NR4A3: variants seen among roughly 807,000 people sequenced by gnomAD.
NR4A3 encodes chondrosarcoma, extraskeletal myxoid, fused to EWS.
Under a neutral mutation model 55.6 loss-of-function variants are expected in NR4A3, and 13 were observed. The observed-to-expected ratio is 0.23, with a 90% CI of 0.15 to 0.37. NR4A3 has a LOEUF of 0.37. Ranked by LOEUF, NR4A3 falls within the 10% of genes least tolerant of loss-of-function variation. The probability of loss-of-function intolerance (pLI) is 1.00; values close to 1 mark genes in which losing one functional copy is unlikely to be tolerated. For missense variants in NR4A3, 646 were observed against 822.8 expected (o/e 0.79, Z 2.63); for synonymous variants, 342 against 357.9 (o/e 0.96, Z 0.50).
intron 3 of NR4A3, 35 bp downstream of exon 3, chr9:99,829,028 GC>G: frequency 2.3e-6 from 3 of 1,307,444 alleles, no homozygotes; most frequent in South Asian, 4.2e-5. Context: ...TCCGCACCCA[GC>G]CCCCTCACTG....
At chr9:99,826,396 T>C (rs1193644294) in intron 2 of NR4A3, among the ~76,000 whole-genome samples, 1 of 152,208 alleles carries the variant, frequency 6.6e-6, no homozygotes, top group Non-Finnish European at 1.5e-5. Context: ...GTGGGCACCA[T>C]AGATAATGCA....
At chr9:99,839,948 A>G (rs895194740) in intron 5 of NR4A3, among the ~76,000 whole-genome samples, 2 of 152,244 alleles carry the variant, frequency 1.3e-5, no homozygotes, top group East Asian at 1.9e-4. Flanking sequence ...CTCTAGGACC[A>G]GTATTCATTG....
At position 99,863,954 on chromosome 9, in the gene NR4A3, C is replaced by A. The variant is rs1299607710; in HGVS notation, c.*87C>A. On this transcript the variant is annotated 3_prime_UTR_variant, in exon 8 of 8. Coordinates refer to ENST00000395097, the MANE Select transcript of NR4A3 (RefSeq NM_006981.4). ...GGATAGGTTTGGAAACCTATCATTT[C>A]CTGTCCTTCCTTAAGAGGAAAAGCA... The A allele has an allele frequency of 1.4e-6, 2 of 1,427,316 alleles. No individual in the cohort carries two copies. Among genetic ancestry groups the A allele is most frequent in the Non-Finnish European group, 1.9e-6 (2 of 1,059,092 alleles). The allele number at this position is 1,427,316 out of a possible 1,614,324, so 88.4% of individuals were successfully genotyped here.
intron 3 of NR4A3, among the ~76,000 whole-genome samples, chr9:99,830,148 GAA>G (rs2118527468): frequency 6.6e-6 from 1 of 152,336 alleles, no homozygotes; most frequent in Non-Finnish European, 1.5e-5. Context: ...AGGGTAGAAA[GAA>G]AGAGAAAGCA....
intron 1 of NR4A3, among the ~76,000 whole-genome samples, chr9:99,824,168 G>C (rs1827243232): frequency 6.6e-6 from 1 of 152,222 alleles, no homozygotes; most frequent in South Asian, 2.1e-4. Context: ...GGCCGCTTGT[G>C]GGGTGGAGAG....
At position 99,864,820 on chromosome 9, in the gene NR4A3, G is replaced by A. The variant is rs1030005636; in HGVS notation, c.*953G>A. On this transcript the variant is annotated 3_prime_UTR_variant, in exon 8 of 8. Coordinates refer to ENST00000395097, the MANE Select transcript of NR4A3 (RefSeq NM_006981.4). ...CTGACTGGTATATTCATTCAGAAGC[G>A]CCATAAGTCAGTTGAGTATTTGATC... 5.9e-5 allele frequency: 13 copies of A among 221,058 alleles called. No individual in the cohort carries two copies. Among genetic ancestry groups the A allele is most frequent in the South Asian group, 1.8e-4 (1 of 5,418 alleles). 13.7% of individuals were successfully genotyped at this position (221,058 alleles called of 1,614,324 possible).
chr9:99,834,632 A>G (rs1481988258), intron 5 of NR4A3: 2 of 236,962 alleles, frequency 8.4e-6, no homozygotes, highest in African/African-American at 4.7e-5. Flanking sequence ...CAGTGTTTCA[A>G]GCTTCTGGCT....
intron 7 of NR4A3, among the ~76,000 whole-genome samples, chr9:99,853,332 T>TC (rs961817095): frequency 4.7e-5 from 7 of 150,004 alleles, no homozygotes; most frequent in African/African-American, 1.7e-4. Context: ...TTTTTTTTTT[T>TC]TTTTTTTTAT....
chr9:99,828,072 T>A lies in NR4A3; in HGVS notation c.30T>A (p.Pro10=). 1 of 1,614,066 alleles carries A rather than the reference T, an allele frequency of 6.2e-7. No individual in the cohort carries two copies. Among genetic ancestry groups the A allele is most frequent in the Admixed American group, 1.7e-5 (1 of 60,018 alleles). The change falls in exon 3 of 8, where the codon CCT becomes CCA. Residue 10 remains proline, a synonymous_variant. Transcript: ENST00000395097. The surrounding 1 kb of genome is among the most constrained non-coding windows in gnomAD (Gnocchi z 7.7). MPCVQAQYS[P]SPPGSSYAAQ... is the part of the protein sequence containing the mutation. The stretch of plus-strand genomic sequence containing the variant: ...CCTGCGTCCAAGCCCAATATAGCCC[T>A]TCCCCTCCAGGTTCCAGTTATGCGG...
In NR4A3 at chr9:99,834,883, A is replaced by G. The variant is rs559064824; in HGVS notation, c.1254+1429A>G. 2.3e-5 allele frequency: 23 copies of G among 984,396 alleles called. No homozygotes were observed. In the African/African-American group the frequency reaches 4.0e-4, roughly 17 times the overall value. The allele number at this position is 984,396 out of a possible 1,614,324, so 61.0% of individuals were successfully genotyped here. A position where few individuals can be genotyped will look rare whatever the true frequency, so the allele number is the denominator to read the frequency against. On this transcript the variant is annotated intron_variant, in intron 5 of 7. Coordinates refer to ENST00000395097, the MANE Select transcript of NR4A3 (RefSeq NM_006981.4). ...TGATTATAAGTAGTGGCTCTTGACT[A>G]CAATCAAGTCTCAAATAATAGTGTA...
rs1249259387 is a variant in NR4A3, at chr9:99,866,416, C to G, written c.*2549C>G. On this transcript the variant is annotated 3_prime_UTR_variant, in exon 8 of 8. Transcript: ENST00000395097. ...GAAAAGACTTTTTAGCCATTATAATCTAGTGGTTGGAAGGAATGAAGAAGC... is the reference window on the plus strand; with the variant it reads ...GAAAAGACTTTTTAGCCATTATAATGTAGTGGTTGGAAGGAATGAAGAAGC... 4 of 224,660 alleles carry G rather than the reference C, an allele frequency of 1.8e-5. No homozygotes were observed. The highest frequency in any genetic ancestry group is 2.7e-5 in the Non-Finnish European group (3 of 112,484). The allele number at this position is 224,660 out of a possible 1,614,324, so 13.9% of individuals were successfully genotyped here. A position where few individuals can be genotyped will look rare whatever the true frequency, so the allele number is the denominator to read the frequency against.
At chr9:99,835,101 G>A (rs185790503) in intron 5 of NR4A3, 12 of 177,180 alleles carry the variant, frequency 6.8e-5, no homozygotes, top group Admixed American at 2.0e-4. Context: ...GGGGTTGTTC[G>A]TGAAGATTAA....
chr9:99,828,140 C>G lies in NR4A3; in HGVS notation c.98C>G (p.Pro33Arg). 1 of 1,614,040 alleles carries G rather than the reference C, an allele frequency of 6.2e-7. No individual in the cohort carries two copies. Among genetic ancestry groups the G allele is most frequent in the Non-Finnish European group, 8.5e-7 (1 of 1,180,000 alleles). Reference protein sequence around the residue: ...SSEYTTEIMNPDYTKLTMDLG... With the variant: ...SSEYTTEIMNRDYTKLTMDLG... ...GAATACACCACGGAGATCATGAACC[C>G]CGACTACACCAAGCTGACCATGGAC... The change falls in exon 3 of 8, where the codon CCC becomes CGC. Residue 33 changes from proline (P) to arginine (R), a missense_variant. This residue lies in a region of NR4A3 where 426 missense variants were observed against 429.4 expected (regional missense o/e 0.99). Coordinates refer to ENST00000395097, the MANE Select transcript of NR4A3 (RefSeq NM_006981.4). This position sits in a 1 kb window ranked among gnomAD's most constrained non-coding sequence, Gnocchi z 7.7.
chr9:99,838,776 GGAA>G (rs1362708164), intron 5 of NR4A3, among the ~76,000 whole-genome samples: 1 of 152,196 alleles, frequency 6.6e-6, no homozygotes, highest in African/African-American at 2.4e-5. Context: ...ATCAGAACTG[GGAA>G]GAAGGAGAGG....
chr9:99,834,623 A>T, intron 5 of NR4A3: 1 of 199,572 alleles, frequency 5.0e-6, no homozygotes, highest in Non-Finnish European at 9.0e-6. Flanking sequence ...AGGTCTAATC[A>T]GTGTTTCAAG....
Position 99,863,749 on chromosome 9 carries a change from T to C in NR4A3, c.1763T>C (p.Val588Ala). 1 of 1,613,262 alleles carries C rather than the reference T, an allele frequency of 6.2e-7. No homozygotes were observed. Among genetic ancestry groups the C allele is most frequent in the South Asian group, 1.1e-5 (1 of 91,012 alleles). The change falls in exon 8 of 8, where the codon GTA becomes GCA. Residue 588 changes from valine (V) to alanine (A), a missense_variant. Around this residue, in one of 5 missense-constraint regions of NR4A3, gnomAD observed 163 missense variants for 233.0 expected, o/e 0.70. Coordinates refer to ENST00000395097, the MANE Select transcript of NR4A3 (RefSeq NM_006981.4). ...GAGTCCAAGGTCCTGGGTGCCCTGG[T>C]AGAACTGAGGAAGATCTGCACCCTG... Reference protein sequence around the residue: ...PTESKVLGALVELRKICTLGL... With the variant: ...PTESKVLGALAELRKICTLGL...
intron 3 of NR4A3, among the ~76,000 whole-genome samples, chr9:99,831,848 TACA>T (rs1460529245): frequency 6.6e-6 from 1 of 152,210 alleles, no homozygotes; most frequent in Admixed American, 6.5e-5. Context: ...TTCTGAAAAA[TACA>T]ACATCATTTT....
chr9:99,853,303 C>T (rs914749311), intron 7 of NR4A3, among the ~76,000 whole-genome samples: 20 of 148,048 alleles, frequency 1.4e-4, no homozygotes, highest in African/African-American at 5.0e-4. Context: ...TGAATATACA[C>T]ATTGTGTTAG....
rs767704755 is a variant in NR4A3, at chr9:99,833,383, C to G, written c.1183C>G (p.Pro395Ala). The change falls in exon 5 of 8, where the codon CCA becomes GCA. Residue 395 changes from proline to alanine, a missense_variant. Transcript: ENST00000395097. ...EPSQPSPPSP[P>A]ICMMNALVRA... ...TTCTCAGCCCTCTCCACCTTCTCCT[C>G]CAATCTGCATGATGAATGCCCTTGT... 6.2e-7 allele frequency: 1 copy of G among 1,614,028 alleles called. No homozygotes were observed. Among genetic ancestry groups the G allele is most frequent in the African/African-American group, 1.3e-5 (1 of 74,926 alleles).
Sources: gnomAD v4.1 joint callset for allele counts (sites outside exome capture counted in the v4.1 genomes callset) on GRCh38, gnomAD v4.1.1 for gene constraint, gnomAD v4.1.1 regional missense constraint, Gnocchi (gnomAD v3.1) non-coding constraint, MANE v1.5 for transcripts, NCBI Gene and HGNC (gene_info 2026-07-23, HGNC 2026-07-21) for gene names.